The following VRK2 variants were observed in gnomAD, a reference collection of about 807,000 sequenced individuals.
VRK2 encodes serine/threonine-protein kinase VRK2.
In VRK2, 60 loss-of-function variants were observed where a neutral mutation model predicts 57.6. The observed-to-expected ratio is 1.04, with a 90% CI of 0.85 to 1.29. VRK2 has a LOEUF of 1.29. VRK2 is among the 50% of genes most tolerant of loss of function. The probability of loss-of-function intolerance (pLI) is 0.00; values close to 1 mark genes in which losing one functional copy is unlikely to be tolerated. For missense variants in VRK2, 705 were observed against 588.1 expected (o/e 1.20, Z -2.06); for synonymous variants, 231 against 199.2 (o/e 1.16, Z -1.35).
At chr2:58,059,081 A>G (rs907704985) in intron 2 of VRK2, among the ~76,000 whole-genome samples, 8 of 152,110 alleles carry the variant, frequency 5.3e-5, no homozygotes, top group Admixed American at 3.3e-4. Flanking sequence ...TTGACAAGGC[A>G]TAGAGCATCA....
At chr2:57,978,621 C>T in intron 1 of VRK2, among the ~76,000 whole-genome samples, 1 of 150,706 alleles carries the variant, frequency 6.6e-6, no homozygotes, top group East Asian at 1.9e-4. Flanking sequence ...CATGTGATCC[C>T]TCAGGCCAAG....
intron 10 of VRK2, among the ~76,000 whole-genome samples, chr2:58,137,948 G>A (rs1407017029): frequency 6.6e-6 from 1 of 151,994 alleles, no homozygotes. Context: ...AATTTATAAT[G>A]GAAATGGCTC....
At chr2:57,923,962 A>G (rs1295868234) in intron 1 of VRK2, among the ~76,000 whole-genome samples, 1 of 151,866 alleles carries the variant, frequency 6.6e-6, no homozygotes, top group East Asian at 1.9e-4. Context: ...TTTACCAGCA[A>G]CATTTATTGA....
intron 3 of VRK2, among the ~76,000 whole-genome samples, 192 bp downstream of exon 3, chr2:58,084,330 G>A (rs562072511): frequency 6.6e-6 from 1 of 151,648 alleles, no homozygotes. Context: ...TATTACCCTG[G>A]TGTGTTATCT....
chr2:57,924,430 C>A (rs1670465319), intron 1 of VRK2, among the ~76,000 whole-genome samples: 1 of 151,828 alleles, frequency 6.6e-6, no homozygotes, highest in South Asian at 2.1e-4. Context: ...TTGCAGAGAT[C>A]TTTCACTCCT....
chr2:58,083,711 T>C (rs1340567471), intron 2 of VRK2, among the ~76,000 whole-genome samples: 1 of 151,900 alleles, frequency 6.6e-6, no homozygotes, highest in Non-Finnish European at 1.5e-5. Context: ...CTGTGTATTA[T>C]ATATTGGCTT....
upstream of VRK2, among the ~76,000 whole-genome samples, chr2:58,042,012 C>T (rs1674478337): frequency 6.6e-6 from 1 of 152,014 alleles, no homozygotes; most frequent in Non-Finnish European, 1.5e-5. Flanking sequence ...ACATACGAAA[C>T]CAAACTGTAG....
Position 58,134,617 on chromosome 2 carries a change from C to CAAA in VRK2, c.798-506_798-504dup, listed in dbSNP as rs70954875. Among the ~76,000 whole-genome samples the CAAA allele has an allele frequency of 2.3e-3, 166 of 72,974 alleles. 2 individuals are homozygous for CAAA. The highest frequency in any genetic ancestry group is 6.0e-3 in the African/African-American group (135 of 22,508). The allele number at this position is 72,974 out of a possible 152,430, so 47.9% of individuals were successfully genotyped here. ...TGGGCGACAGAGCGAGACTCCGTCT[C>CAAA]AAAAAAAAAAAAAAAAAAAAGAATA... On this transcript the variant is annotated intron_variant, in intron 9 of 12. Coordinates refer to ENST00000340157, the MANE Select transcript of VRK2 (RefSeq NM_006296.7).
chr2:57,988,261 T>C (rs1489371971), intron 1 of VRK2, among the ~76,000 whole-genome samples: 1 of 152,246 alleles, frequency 6.6e-6, no homozygotes, highest in East Asian at 1.9e-4. Context: ...AAAATATTTA[T>C]GTTAAAATCT....
rs370848839 is a variant in VRK2, at chr2:57,945,884, T to A, written c.-439+38045T>A. 2.0e-4 allele frequency among the ~76,000 whole-genome samples: 31 copies of A among 152,302 alleles called. 1 individual carries two copies. Among genetic ancestry groups the A allele is most frequent in the Admixed American group, 1.2e-3 (18 of 15,296 alleles). On this transcript the variant is annotated intron_variant, in intron 1 of 15. Coordinates refer to the VRK2 transcript ENST00000417641. ...CTTAAGTAAGACATGTAAATAGTGA[T>A]CTGACAAAGTGATACAAGTTATTAT...
At chr2:58,018,551 A>G (rs1673655792) in intron 1 of VRK2, among the ~76,000 whole-genome samples, 1 of 152,208 alleles carries the variant, frequency 6.6e-6, no homozygotes, top group African/African-American at 2.4e-5. Flanking sequence ...GTAATATTGA[A>G]TTATACCTTC....
chr2:58,034,258 T>G lies in VRK2; in HGVS notation c.-6+705T>G, dbSNP rs369705374. On this transcript the variant is annotated intron_variant, in intron 3 of 15. Coordinates refer to the VRK2 transcript ENST00000417641. ...CCTACCTTTCAGAATCGTTTTCTGC[T>G]AACACCTCTCACAGTTGTTGTTTTG... Among the ~76,000 whole-genome samples the G allele has an allele frequency of 1.2e-4, 18 of 152,184 alleles. No homozygotes were observed. In the South Asian group the frequency reaches 2.1e-3, roughly 18 times the overall value.
intron 9 of VRK2, among the ~76,000 whole-genome samples, chr2:58,134,733 C>T (rs931692848): frequency 6.6e-6 from 1 of 151,746 alleles, no homozygotes; most frequent in African/African-American, 2.4e-5. Flanking sequence ...GCTGTCTATT[C>T]TTCATCAAAC....
chr2:57,998,402 T>C (rs1672990497), intron 1 of VRK2, among the ~76,000 whole-genome samples: 1 of 152,208 alleles, frequency 6.6e-6, no homozygotes, highest in South Asian at 2.1e-4. Flanking sequence ...ATCTCTATTG[T>C]ATTTTCACAT....
At chr2:58,090,098 AAGTTT>A (rs1672159319) in intron 7 of VRK2, among the ~76,000 whole-genome samples, 2 of 152,150 alleles carry the variant, frequency 1.3e-5, no homozygotes, top group African/African-American at 4.8e-5. Flanking sequence ...ATAACCAATT[AAGTTT>A]TAAGCAGAGA....
intron 1 of VRK2, among the ~76,000 whole-genome samples, chr2:57,923,326 A>G (rs925434982): frequency 2.6e-5 from 4 of 152,050 alleles, no homozygotes; most frequent in Non-Finnish European, 4.4e-5. Context: ...CAGTGATTGT[A>G]CTAGTTTACA....
At chr2:57,979,511 G>A (rs1672353994) in intron 1 of VRK2, among the ~76,000 whole-genome samples, 1 of 151,012 alleles carries the variant, frequency 6.6e-6, no homozygotes, top group South Asian at 2.1e-4. Context: ...CCTTTTTCAT[G>A]TGTCTCTGCC....
chr2:58,105,638 G>A (rs1558641986), intron 7 of VRK2, among the ~76,000 whole-genome samples: 2 of 151,392 alleles, frequency 1.3e-5, no homozygotes, highest in African/African-American at 2.4e-5. Context: ...TTACATATAG[G>A]CTTTTTTTTT....
intron 1 of VRK2, among the ~76,000 whole-genome samples, chr2:57,940,109 A>G (rs570530585): frequency 1.3e-4 from 20 of 152,284 alleles, no homozygotes; most frequent in Admixed American, 1.2e-3. Context: ...TAGATATAGT[A>G]CAGAGATTAT....
Sources: gnomAD v4.1 joint callset for allele counts (sites outside exome capture counted in the v4.1 genomes callset) on GRCh38, gnomAD v4.1.1 for gene constraint, MANE v1.5 for transcripts, NCBI Gene and HGNC (gene_info 2026-07-23, HGNC 2026-07-21) for gene names.